The following DOP1B variants were observed in gnomAD, a reference collection of about 807,000 sequenced individuals.
DOP1B encodes protein DOP1B.
Under a neutral mutation model 233.5 loss-of-function variants are expected in DOP1B, and 174 were observed. The observed-to-expected ratio is 0.75, with a 90% confidence interval of 0.66 to 0.85. The LOEUF (loss-of-function observed/expected upper bound fraction) is 0.85. DOP1B is among the 40% of genes least tolerant of loss of function. DOP1B has a pLI of 0.00. For synonymous variants in DOP1B, 1,190 were observed against 1,185.6 expected, an observed-to-expected ratio of 1.00 and a Z score of -0.08; for missense variants, 2,652 against 2,846.6, an observed-to-expected ratio of 0.93 and a Z score of 1.56.
At position 36,251,229 on chromosome 21, in the gene DOP1B, C is replaced by G; in HGVS notation, c.5066C>G (p.Ala1689Gly). 6.2e-7 allele frequency: 1 copy of G among 1,613,962 alleles called. No homozygotes were observed. The highest frequency in any genetic ancestry group is 8.5e-7 in the Non-Finnish European group (1 of 1,179,978). Reference protein sequence around the residue: ...LTAHLGVQLTAAVAAVWSRKK... With the variant: ...LTAHLGVQLTGAVAAVWSRKK... The stretch of plus-strand genomic sequence containing the variant: ...GCCCATCTTGGGGTTCAGTTGACAG[C>G]GGCTGTTGCGGCAGTGTGGAGCAGA... The change falls in exon 22 of 37, where the codon GCG becomes GGG. Residue 1689 changes from alanine (A) to glycine (G), a missense_variant. Around this residue, in one of 3 missense-constraint regions of DOP1B, gnomAD observed 2,617 missense variants for 2,794.3 expected, o/e 0.94. Coordinates refer to ENST00000691173, the MANE Select transcript of DOP1B (RefSeq NM_001320714.2).
intron 13 of DOP1B, among the ~76,000 whole-genome samples, chr21:36,229,661 C>CT (rs373779563): frequency 0.23 from 29,704 of 127,644 alleles, 4,538 homozygotes; most frequent in East Asian, 0.52. Context: ...CTTGCTTTAC[C>CT]TTTTTTTTTT....
At chr21:36,184,857 G>A (rs1238916672) in intron 2 of DOP1B, among the ~76,000 whole-genome samples, 1 of 152,246 alleles carries the variant, frequency 6.6e-6, no homozygotes, top group Non-Finnish European at 1.5e-5. Flanking sequence ...CTGTAGCGCT[G>A]AGGGTCAGGA....
intron 2 of DOP1B, among the ~76,000 whole-genome samples, chr21:36,191,539 A>G (rs146825639): frequency 0.042 from 6,351 of 152,232 alleles, 195 homozygotes; most frequent in Non-Finnish European, 0.057. Flanking sequence ...TAATCCCAAC[A>G]CTTTGGGAGG....
intron 23 of DOP1B, among the ~76,000 whole-genome samples, chr21:36,260,322 T>A (rs2067156093): frequency 6.6e-6 from 1 of 152,018 alleles, no homozygotes; most frequent in South Asian, 2.1e-4. Context: ...TCTTGCCTCT[T>A]GGTAATCATA....
chr21:36,268,085 G>A (rs766829122), intron 26 of DOP1B, among the ~76,000 whole-genome samples: 7 of 152,096 alleles, frequency 4.6e-5, no homozygotes, highest in East Asian at 1.9e-4. Flanking sequence ...GCAGAGAACC[G>A]GTCTGACCAC....
intron 28 of DOP1B, among the ~76,000 whole-genome samples, 200 bp downstream of exon 28, chr21:36,277,300 T>C (rs976658342): frequency 4.6e-5 from 7 of 152,206 alleles, no homozygotes; most frequent in African/African-American, 1.4e-4. Flanking sequence ...ACTTTTTTTT[T>C]TGAGACAGAT....
rs2066980106 is a variant in DOP1B at position 36,247,437 on chromosome 21, TGTTTATATATAG to T, written c.4698-78_4698-67del. ...GATGGTGATCTCTCCCTAGTTCCTG[TGTTTATATATAG>T]GATTAGAAACCCTTATGGCCTCATT... is the stretch of plus-strand genomic sequence containing the variant. On this transcript the variant is annotated intron_variant, in intron 19 of 36. Transcript: ENST00000691173. 4.5e-6 allele frequency: 4 copies of T among 896,506 alleles called. No individual in the cohort carries two copies. The South Asian group carries it at 8.0e-5, about 18-fold the overall frequency. The allele number at this position is 896,506 out of a possible 1,614,324, so 55.5% of individuals were successfully genotyped here. A position where few individuals can be genotyped will look rare whatever the true frequency, so the allele number is the denominator to read the frequency against.
At chr21:36,167,753 T>G (rs961320512) in intron 2 of DOP1B, among the ~76,000 whole-genome samples, 2 of 149,604 alleles carry the variant, frequency 1.3e-5, no homozygotes, top group Admixed American at 1.3e-4. Context: ...TTTCCCTCTC[T>G]ACGGACTTTC....
chr21:36,241,010 A>G (rs963268413), intron 18 of DOP1B, among the ~76,000 whole-genome samples: 1 of 152,168 alleles, frequency 6.6e-6, no homozygotes, highest in African/African-American at 2.4e-5. Flanking sequence ...TAAAAAGTAA[A>G]GAAGGGCTGG....
chr21:36,292,012 T>C, intron 35 of DOP1B, 92 bp from the exon 36 acceptor site: 2 of 1,393,998 alleles, frequency 1.4e-6, no homozygotes, highest in Non-Finnish European at 1.9e-6. Flanking sequence ...ATTAAATAGA[T>C]ACAGTATGTG....
intron 4 of DOP1B, among the ~76,000 whole-genome samples, chr21:36,206,529 CAA>C (rs71232580): frequency 5.5e-5 from 7 of 127,208 alleles, no homozygotes; most frequent in East Asian, 2.4e-4. Context: ...CACCCTGCCT[CAA>C]AAAAAAAAAA....
At chr21:36,277,233 G>C in intron 28 of DOP1B, 133 bp downstream of exon 28, 1 of 826,242 alleles carries the variant, frequency 1.2e-6, no homozygotes, top group Non-Finnish European at 1.9e-6. Context: ...CCATCAGGCA[G>C]CATTGGCCTC....
chr21:36,241,068 G>A (rs2066886768), intron 18 of DOP1B, among the ~76,000 whole-genome samples: 1 of 152,118 alleles, frequency 6.6e-6, no homozygotes, highest in Admixed American at 6.6e-5. Flanking sequence ...GCTGAGGCAG[G>A]CAGATCGTGA....
At chr21:36,176,801 GT>G (rs971898350) in intron 2 of DOP1B, among the ~76,000 whole-genome samples, 6 of 151,770 alleles carry the variant, frequency 4.0e-5, no homozygotes, top group Non-Finnish European at 7.4e-5. Flanking sequence ...TCCAACTCCC[GT>G]TTTTTTCCCT....
At position 36,246,102 on chromosome 21, in the gene DOP1B, CCA is replaced by C. The variant is rs758400184; in HGVS notation, c.4125_4126del (p.His1375GlnfsTer45). ...SSEGKNVEFI[H>X]SLLQRCKVQE... is the part of the protein sequence containing the mutation. ...CGGAAGGGAAGAACGTGGAGTTCAT[CCA>C]CAGCTTGCTGCAGAGGTGCAAAGTT... On this transcript the variant is annotated frameshift_variant, in exon 19 of 37. Transcript: ENST00000691173. LOFTEE classifies it high-confidence loss of function. This position sits in a 1 kb window ranked among gnomAD's most constrained non-coding sequence, Gnocchi z 5.1. 6.8e-6 allele frequency: 11 copies of C among 1,613,998 alleles called. No homozygotes were observed. The highest frequency in any genetic ancestry group is 9.3e-6 in the Non-Finnish European group (11 of 1,180,044).
At chr21:36,250,617 A>C (rs2835328) in intron 21 of DOP1B, among the ~76,000 whole-genome samples, 37,458 of 152,136 alleles carry the variant, frequency 0.25, 5,097 homozygotes, top group Admixed American at 0.31. Context: ...CATAAGTAGC[A>C]AAACAGAGGG....
intron 2 of DOP1B, among the ~76,000 whole-genome samples, chr21:36,183,095 A>G (rs2066119941): frequency 6.6e-6 from 1 of 152,126 alleles, no homozygotes; most frequent in South Asian, 2.1e-4. Flanking sequence ...TTACAGATGC[A>G]GTCATAGCTC....
At chr21:36,176,087 GGT>G (rs1032491278) in intron 2 of DOP1B, among the ~76,000 whole-genome samples, 1,131 of 96,590 alleles carry the variant, frequency 0.012, 15 homozygotes, top group African/African-American at 0.038. Flanking sequence ...TCGACTTTGG[GGT>G]GTGTGTGCGT....
intron 12 of DOP1B, 35 bp from the exon 13 acceptor site, chr21:36,227,651 A>C (rs1052619774): frequency 3.4e-6 from 5 of 1,451,946 alleles, no homozygotes; most frequent in South Asian, 1.5e-5. Flanking sequence ...TTGTGAACCA[A>C]CATTGTGGGG....
Sources: allele counts gnomAD v4.1 joint callset (sites outside exome capture counted in the v4.1 genomes callset), GRCh38; gene constraint gnomAD v4.1.1; regional missense constraint gnomAD v4.1.1; non-coding constraint Gnocchi (gnomAD v3.1); transcripts MANE v1.5; gene names NCBI Gene and HGNC (gene_info 2026-07-23, HGNC 2026-07-21).